Variants in PPM1L observed in about 807,000 individuals in gnomAD.
The protein encoded by PPM1L is protein phosphatase, Mg2+/Mn2+ dependent 1L.
In PPM1L, 13 loss-of-function variants were observed where a neutral mutation model predicts 31.4. The ratio of observed to expected loss-of-function variants is 0.41; its 90% CI spans 0.27 to 0.66. The LOEUF (loss-of-function observed/expected upper bound fraction) is 0.66. Ranked by LOEUF, PPM1L falls within the 30% of genes least tolerant of loss-of-function variation. The probability of loss-of-function intolerance (pLI) is 0.29; values close to 1 mark genes in which losing one functional copy is unlikely to be tolerated. For synonymous variants in PPM1L, 184 were observed against 175.4 expected, an observed-to-expected ratio of 1.05 and a Z score of -0.39; for missense variants, 326 against 453.7, an observed-to-expected ratio of 0.72 and a Z score of 2.56.
chr3:160,954,325 CT>C (rs548735019), intron 1 of PPM1L, among the ~76,000 whole-genome samples: 365 of 149,538 alleles, frequency 2.4e-3, no homozygotes, highest in African/African-American at 8.6e-3. Context: ...TTAATTCACC[CT>C]TTTTTTTTTC....
At chr3:161,000,825 G>A (rs1717457160) in intron 2 of PPM1L, among the ~76,000 whole-genome samples, 1 of 152,040 alleles carries the variant, frequency 6.6e-6, no homozygotes, top group South Asian at 2.1e-4. Flanking sequence ...TTCCTTAGTT[G>A]GTTGTTGGAT....
chr3:160,786,749 A>G (rs1284538863), intron 1 of PPM1L, among the ~76,000 whole-genome samples: 1 of 151,794 alleles, frequency 6.6e-6, no homozygotes, highest in Non-Finnish European at 1.5e-5. Context: ...CCCTCATCCC[A>G]CCCTCCATCC....
intron 2 of PPM1L, among the ~76,000 whole-genome samples, chr3:161,054,058 G>T (rs1413053350): frequency 2.6e-5 from 4 of 152,064 alleles, no homozygotes; most frequent in Non-Finnish European, 4.4e-5. Flanking sequence ...ACCCAAGGAG[G>T]TGCCATTTTA....
At chr3:161,054,615 T>G (rs992960557) in intron 2 of PPM1L, among the ~76,000 whole-genome samples, 1 of 152,092 alleles carries the variant, frequency 6.6e-6, no homozygotes, top group Non-Finnish European at 1.5e-5. Context: ...TGGCCTGCCC[T>G]GATGTTGAAA....
At chr3:160,802,377 C>T (rs1010480071) in intron 1 of PPM1L, among the ~76,000 whole-genome samples, 6 of 152,182 alleles carry the variant, frequency 3.9e-5, no homozygotes, top group Admixed American at 6.6e-5. Flanking sequence ...TAGAAACCTA[C>T]AATCCGGCTT....
intron 1 of PPM1L, among the ~76,000 whole-genome samples, chr3:160,909,273 G>T (rs1713870468): frequency 6.6e-6 from 1 of 152,158 alleles, no homozygotes; most frequent in Non-Finnish European, 1.5e-5. Context: ...TGAAGGCCAT[G>T]GCATGGGAAG....
At chr3:160,826,353 C>T (rs1175439505) in intron 1 of PPM1L, among the ~76,000 whole-genome samples, 1 of 152,034 alleles carries the variant, frequency 6.6e-6, no homozygotes, top group Non-Finnish European at 1.5e-5. Context: ...CTTTGTTAGA[C>T]CCTGGCTTAA....
chr3:160,808,509 C>A (rs1712709709), intron 1 of PPM1L, among the ~76,000 whole-genome samples: 1 of 151,902 alleles, frequency 6.6e-6, no homozygotes, highest in Non-Finnish European at 1.5e-5. Flanking sequence ...GGAGCCCTGG[C>A]CTATAGCTGG....
chr3:161,016,492 G>A (rs1283176935), intron 2 of PPM1L, among the ~76,000 whole-genome samples: 1 of 152,198 alleles, frequency 6.6e-6, no homozygotes, highest in Non-Finnish European at 1.5e-5. Flanking sequence ...GAAGGAACAG[G>A]TTGAAGGAGG....
intron 1 of PPM1L, among the ~76,000 whole-genome samples, chr3:160,765,276 T>A (rs1170443014): frequency 1.3e-5 from 2 of 152,182 alleles, no homozygotes; most frequent in African/African-American, 4.8e-5. Context: ...GCTCCCTGTC[T>A]CCAAAGCCTG....
At chr3:160,803,035 G>T (rs2108079123) in intron 1 of PPM1L, among the ~76,000 whole-genome samples, 1 of 152,312 alleles carries the variant, frequency 6.6e-6, no homozygotes, top group South Asian at 2.1e-4. Flanking sequence ...GGTGAAAATG[G>T]AAGAAACAGT....
rs958842255 is a variant in PPM1L, at chr3:160,994,466, G to A, written c.574+32556G>A. Among the ~76,000 whole-genome samples, 5 of 152,252 alleles carry A rather than the reference G, an allele frequency of 3.3e-5. No homozygotes were observed. The South Asian group carries it at 1.0e-3, about 32-fold the overall frequency. ...CATTCAACCCAAAACCTGGGGCCTC[G>A]ATCCCCTGTACAGCCTGTGTTCCAT... On this transcript the variant is annotated intron_variant, in intron 2 of 3. Transcript: ENST00000498165.
chr3:160,796,147 G>C (rs1169107129), intron 1 of PPM1L, among the ~76,000 whole-genome samples: 1 of 152,200 alleles, frequency 6.6e-6, no homozygotes, highest in Non-Finnish European at 1.5e-5. Context: ...AACATTTTAT[G>C]TACGTATATG....
Position 160,804,084 on chromosome 3 carries a change from AT to A in PPM1L, c.399+47385del, listed in dbSNP as rs1187361541. On this transcript the variant is annotated intron_variant, in intron 1 of 3. Transcript: ENST00000498165. ...AGGCGCCCGCCACCACGCCCAGCTA[AT>A]TTTTTTTCTTTTTTTTTTTTCTATT... Among the ~76,000 whole-genome samples the A allele has an allele frequency of 1.2e-4, 17 of 147,766 alleles. No individual in the cohort carries two copies. In the East Asian group the frequency reaches 1.4e-3, roughly 12 times the overall value.
At chr3:160,837,364 G>A (rs1713751210) in intron 1 of PPM1L, among the ~76,000 whole-genome samples, 2 of 152,072 alleles carry the variant, frequency 1.3e-5, no homozygotes. Context: ...AAGCCATGTG[G>A]GTAATAAATT....
chr3:160,832,396 A>C (rs1271012781), intron 1 of PPM1L, among the ~76,000 whole-genome samples: 1 of 152,046 alleles, frequency 6.6e-6, no homozygotes, highest in African/African-American at 2.4e-5. Context: ...ACAGGCATGG[A>C]GCTGAGAGAG....
chr3:160,806,678 G>C (rs1017988649), intron 1 of PPM1L, among the ~76,000 whole-genome samples: 3 of 152,014 alleles, frequency 2.0e-5, no homozygotes, highest in Non-Finnish European at 4.4e-5. Context: ...GGCTGAGCGG[G>C]GAGGATTGCC....
rs1431811015 is a variant in PPM1L, at chr3:161,074,438, T to A, written c.*5281T>A. 1 of 152,168 alleles carries A rather than the reference T, an allele frequency of 6.6e-6. No individual in the cohort carries two copies. The highest frequency in any genetic ancestry group is 1.5e-5 in the Non-Finnish European group (1 of 68,040). The allele number at this position is 152,168 out of a possible 1,614,324, so 9.4% of individuals were successfully genotyped here. On this transcript the variant is annotated 3_prime_UTR_variant, in exon 4 of 4. Coordinates refer to ENST00000498165, the MANE Select transcript of PPM1L (RefSeq NM_139245.4). The stretch of plus-strand genomic sequence containing the variant: ...GGTACAGAGTGAATTAAGGCAAAAG[T>A]CATTAACTTAAAATTACATCCAATA...
At chr3:160,797,887 A>C (rs1357500393) in intron 1 of PPM1L, among the ~76,000 whole-genome samples, 2 of 152,230 alleles carry the variant, frequency 1.3e-5, no homozygotes, top group African/African-American at 4.8e-5. Flanking sequence ...ACAACGTGAA[A>C]GTGCAAGGTG....
Sources: allele counts gnomAD v4.1 joint callset (sites outside exome capture counted in the v4.1 genomes callset), GRCh38; gene constraint gnomAD v4.1.1; transcripts MANE v1.5; gene names NCBI Gene and HGNC (gene_info 2026-07-23, HGNC 2026-07-21).